Variants in COL12A1 observed in about 807,000 individuals in gnomAD.
COL12A1 encodes the protein collagen type XII alpha 1 chain.
In COL12A1, 114 loss-of-function variants were observed where a neutral mutation model predicts 349.7. The ratio of observed to expected loss-of-function variants is 0.33; its 90% CI spans 0.28 to 0.38. The LOEUF (loss-of-function observed/expected upper bound fraction) is 0.38, where lower values mean the gene tolerates loss of function less well. Ranked by LOEUF, COL12A1 falls within the 10% of genes least tolerant of loss-of-function variation. The pLI is 1.00. For missense variants in COL12A1, 3,284 were observed against 3,756.9 expected, an observed-to-expected ratio of 0.87 and a Z score of 3.29; for synonymous variants, 1,369 against 1,329.0, an observed-to-expected ratio of 1.03 and a Z score of -0.66.
At chr6:75,202,388 C>T (rs1340954381) in intron 2 of COL12A1, among the ~76,000 whole-genome samples, 2 of 152,194 alleles carry the variant, frequency 1.3e-5, no homozygotes, top group Non-Finnish European at 2.9e-5. Flanking sequence ...GTTGGTTGCG[C>T]TGATTAGAGC....
At chr6:75,195,094 T>C (rs1486411692) in intron 2 of COL12A1, 147 bp from the exon 3 acceptor site, 4 of 527,610 alleles carry the variant, frequency 7.6e-6, no homozygotes, top group Non-Finnish European at 1.3e-5. Context: ...TGTTGTTGGA[T>C]AAGAATAAAA....
At chr6:75,185,283 A>G (rs1769552899) in intron 8 of COL12A1, among the ~76,000 whole-genome samples, 1 of 152,238 alleles carries the variant, frequency 6.6e-6, no homozygotes, top group Non-Finnish European at 1.5e-5. Flanking sequence ...CTCAGGATAT[A>G]AAATCAATGT....
At position 75,137,543 on chromosome 6, in the gene COL12A1, T is replaced by C. The variant is rs755536829; in HGVS notation, c.5288A>G (p.Asn1763Ser). 29 of 1,613,776 alleles carry C rather than the reference T, an allele frequency of 1.8e-5. 1 individual carries two copies. In the South Asian group the frequency reaches 2.1e-4, roughly 12 times the overall value. Residue 1763 changes from asparagine to serine, a missense_variant, in exon 31 of 66, where the codon AAT (asparagine) becomes AGT (serine). This residue lies in a region of COL12A1 where 2,601 missense variants were observed against 2,824.8 expected (regional missense o/e 0.92). Transcript: ENST00000322507. ...KSGPRNLQVY[N>S]ATSNSLTVKW... ...AACAGTCAGGCTGTTAGATGTTGCA[T>C]TGTACACTTGAAGGTTTCGTGGGCC...
At chr6:75,194,797 G>T in intron 3 of COL12A1, 34 bp downstream of exon 3, 1 of 1,320,266 alleles carries the variant, frequency 7.6e-7, no homozygotes, top group Non-Finnish European at 1.1e-6. Flanking sequence ...TCATCATGAT[G>T]CTTCTGTCCT....
chr6:75,154,913 T>C (rs1767678309), intron 16 of COL12A1, among the ~76,000 whole-genome samples: 1 of 152,182 alleles, frequency 6.6e-6, no homozygotes, highest in South Asian at 2.1e-4. Context: ...GTGCTGTACC[T>C]TGCAAGGTAA....
At chr6:75,138,223 G>T in intron 30 of COL12A1, 97 bp downstream of exon 30, 1 of 1,236,886 alleles carries the variant, frequency 8.1e-7, no homozygotes, top group Non-Finnish European at 1.1e-6. Context: ...GGATTTAAAA[G>T]CAGATGACCT....
intron 52 of COL12A1, among the ~76,000 whole-genome samples, chr6:75,106,886 C>CTTTTTCTTT (rs1562125061): frequency 4.2e-5 from 2 of 47,440 alleles, no homozygotes; most frequent in African/African-American, 6.6e-5. Context: ...TTTTTTTTTT[C>CTTTTTCTTT]TTTTTTCTTT....
At chr6:75,102,090 C>G (rs758686643) in intron 56 of COL12A1, 38 bp from the exon 57 acceptor site, 1 of 1,601,926 alleles carries the variant, frequency 6.2e-7, no homozygotes, top group Non-Finnish European at 8.5e-7. Flanking sequence ...TCAGGCGTTT[C>G]ACAGAGATTA....
chr6:75,114,883 A>G (rs1769000861), intron 49 of COL12A1, among the ~76,000 whole-genome samples: 1 of 152,094 alleles, frequency 6.6e-6, no homozygotes, highest in South Asian at 2.1e-4. Context: ...TGCTTGAGAA[A>G]ACAATAGGCT....
chr6:75,155,802 T>C lies in COL12A1; in HGVS notation c.3303A>G (p.Ser1101=), dbSNP rs1767723884. Residue 1101 remains serine, a synonymous_variant, in exon 16 of 66, where the codon TCA becomes TCG. Coordinates refer to ENST00000322507, the MANE Select transcript of COL12A1 (RefSeq NM_004370.6). The part of the protein sequence containing the change: ...RNLKTSDPTM[S]SFRVTWEPAP... The stretch of plus-strand genomic sequence containing the variant: ...CAGGCTCCCAAGTCACTCGGAAGCT[T>C]GACATGGTTGGGTCAGATGTTTTGA... 6.2e-7 allele frequency: 1 copy of C among 1,613,354 alleles called. No homozygotes were observed. Among genetic ancestry groups the C allele is most frequent in the Non-Finnish European group, 8.5e-7 (1 of 1,179,590 alleles).
Position 75,090,106 on chromosome 6 carries a change from C to T in COL12A1, c.8941+4G>A. ...ATCCCAATACAGAAGCCAGAAATGC[C>T]TACCTCGTTCCCCAGGGGGTCCCTG... is the stretch of plus-strand genomic sequence containing the variant. On this transcript the variant is annotated splice_donor_region_variant and intron_variant, in intron 63 of 65. Transcript: ENST00000322507. This position sits in a 1 kb window ranked among gnomAD's most constrained non-coding sequence, Gnocchi z 4.1. The T allele has an allele frequency of 6.2e-7, 1 of 1,612,856 alleles. No individual in the cohort carries two copies. Among genetic ancestry groups the T allele is most frequent in the Non-Finnish European group, 8.5e-7 (1 of 1,179,866 alleles).
chr6:75,133,750 G>A, intron 33 of COL12A1, 108 bp downstream of exon 33: 3 of 1,263,758 alleles, frequency 2.4e-6, no homozygotes, highest in Non-Finnish European at 3.4e-6. Context: ...AAATGAATAT[G>A]AAATTCTTCA....
chr6:75,152,341 A>G lies in COL12A1; in HGVS notation c.3707T>C (p.Val1236Ala). Residue 1236 changes from valine (V) to alanine (A), a missense_variant, in exon 18 of 66, where the codon GTA becomes GCA. Val to Ala is a moderately conservative substitution (Grantham distance 64, BLOSUM62 0). Around this residue, in one of 2 missense-constraint regions of COL12A1, gnomAD observed 2,601 missense variants for 2,824.8 expected, o/e 0.92. Transcript: ENST00000322507. Reference sequence around the variant, plus strand: ...ATGTTGTCAGAACCTACCAATTTGTACTCTTTTGGGGCCAATGTCAAAGAC... The same window carrying G: ...ATGTTGTCAGAACCTACCAATTTGTGCTCTTTTGGGGCCAATGTCAAAGAC... ...VEVFDIGPKRVQIALAQYSGD... is the reference protein window; with the variant it reads ...VEVFDIGPKRAQIALAQYSGD... The G allele has an allele frequency of 6.2e-7, 1 of 1,613,412 alleles. No individual in the cohort carries two copies. The highest frequency in any genetic ancestry group is 8.5e-7 in the Non-Finnish European group (1 of 1,179,674).
rs1767716039 is a variant in COL12A1 at position 75,090,635 on chromosome 6, A to G, written c.8753-337T>C. On this transcript the variant is annotated intron_variant, in intron 62 of 65. Transcript: ENST00000322507. This position sits in a 1 kb window ranked among gnomAD's most constrained non-coding sequence, Gnocchi z 4.1. The stretch of plus-strand genomic sequence containing the variant: ...AAAAGAAAACCTTTTTTATAATTAG[A>G]TAATTCTACAATTTTTTGTATATCT... 6.6e-6 allele frequency among the ~76,000 whole-genome samples: 1 copy of G among 152,224 alleles called. No individual in the cohort carries two copies. Among genetic ancestry groups the G allele is most frequent in the Non-Finnish European group, 1.5e-5 (1 of 68,040 alleles).
At chr6:75,153,852 T>C (rs1767619804) in intron 17 of COL12A1, among the ~76,000 whole-genome samples, 1 of 152,102 alleles carries the variant, frequency 6.6e-6, no homozygotes, top group African/African-American at 2.4e-5. Context: ...TCCCAAGTCA[T>C]AGTTGCCCAC....
At chr6:75,187,618 A>G (rs988514574) in intron 8 of COL12A1, among the ~76,000 whole-genome samples, 2 of 152,180 alleles carry the variant, frequency 1.3e-5, no homozygotes, top group African/African-American at 4.8e-5. Flanking sequence ...AATTAGGGCC[A>G]ATGAACATTT....
chr6:75,181,528 G>T (rs1464102424), intron 10 of COL12A1, among the ~76,000 whole-genome samples: 2 of 152,082 alleles, frequency 1.3e-5, no homozygotes, highest in Non-Finnish European at 2.9e-5. Flanking sequence ...GCCCATAATT[G>T]GAATATTTAA....
At chr6:75,102,779 C>T (rs544331973) in intron 55 of COL12A1, 87 bp from the exon 56 acceptor site, 2 of 662,160 alleles carry the variant, frequency 3.0e-6, no homozygotes, top group African/African-American at 3.7e-5. Flanking sequence ...CATCATAACT[C>T]TAAGACATCA....
At position 75,148,359 on chromosome 6, in the gene COL12A1, T is replaced by A. The variant is rs1056626609; in HGVS notation, c.4286A>T (p.Glu1429Val). ...TAAGTTATAGGTGTTCCTACTCACT[T>A]CTTGACGTTTCCCTCCAGAAACTGG... ...YYPVSGGKRQEFYVSRMETST... is the reference protein window; with the variant it reads ...YYPVSGGKRQVFYVSRMETST... The change falls in exon 22 of 66, where the codon GAA (glutamate) becomes GTA (valine). Residue 1429 changes from glutamate (E) to valine (V), a missense_variant and splice_region_variant. Coordinates refer to ENST00000322507, the MANE Select transcript of COL12A1 (RefSeq NM_004370.6). 32 of 1,612,030 alleles carry A rather than the reference T, an allele frequency of 2.0e-5. No homozygotes were observed. The highest frequency in any genetic ancestry group is 2.7e-5 in the African/African-American group (2 of 74,822).
Sources: allele counts gnomAD v4.1 joint callset (sites outside exome capture counted in the v4.1 genomes callset), GRCh38; gene constraint gnomAD v4.1.1; regional missense constraint gnomAD v4.1.1; non-coding constraint Gnocchi (gnomAD v3.1); transcripts MANE v1.5; gene names NCBI Gene and HGNC (gene_info 2026-07-23, HGNC 2026-07-21).